AGBL4: variants seen among roughly 807,000 people sequenced by gnomAD.
AGBL4 encodes AGBL carboxypeptidase 4.
AGBL4 carries 58 observed loss-of-function variants against 66.4 expected under a neutral mutation model. That is an observed-to-expected ratio of 0.87 (90% CI 0.71 to 1.09). The LOEUF (loss-of-function observed/expected upper bound fraction) is 1.09. Among genes scored for constraint, AGBL4 ranks in the 50% least tolerant of loss-of-function variants. The pLI is 0.00. For missense variants in AGBL4, 579 were observed against 631.0 expected (o/e 0.92, Z 0.88); for synonymous variants, 234 against 222.9 (o/e 1.05, Z -0.44).
intron 6 of AGBL4, among the ~76,000 whole-genome samples, chr1:48,716,660 C>G (rs538306888): frequency 3.9e-4 from 59 of 152,278 alleles, no homozygotes; most frequent in African/African-American, 1.4e-3. Flanking sequence ...TATGTGTCCA[C>G]AAGGGGTGGG....
At chr1:49,740,949 A>G (rs1046793073) in intron 2 of AGBL4, among the ~76,000 whole-genome samples, 3 of 152,194 alleles carry the variant, frequency 2.0e-5, no homozygotes, top group Non-Finnish European at 4.4e-5. Flanking sequence ...GAGAAGCAAG[A>G]CTGATCTAAA....
At chr1:49,145,017 T>C (rs182843684) in intron 4 of AGBL4, among the ~76,000 whole-genome samples, 2 of 152,058 alleles carry the variant, frequency 1.3e-5, no homozygotes, top group East Asian at 3.9e-4. Flanking sequence ...CAGGATGGGG[T>C]CAGTCCAGCC....
At chr1:49,328,375 C>A (rs558369287) in intron 3 of AGBL4, among the ~76,000 whole-genome samples, 5 of 152,224 alleles carry the variant, frequency 3.3e-5, no homozygotes, top group East Asian at 3.9e-4. Context: ...AATCTAGTTC[C>A]AAGTCTGCAA....
chr1:49,776,487 C>A (rs1644200935), intron 2 of AGBL4, among the ~76,000 whole-genome samples: 1 of 152,074 alleles, frequency 6.6e-6, no homozygotes, highest in South Asian at 2.1e-4. Flanking sequence ...TGATGAGAGT[C>A]CTAAATACCA....
chr1:48,684,245 T>C (rs1347310670), intron 6 of AGBL4, among the ~76,000 whole-genome samples: 1 of 152,232 alleles, frequency 6.6e-6, no homozygotes, highest in African/African-American at 2.4e-5. Flanking sequence ...CTCCTTCTCT[T>C]AAGCCAAGTC....
intron 1 of AGBL4, among the ~76,000 whole-genome samples, chr1:50,000,710 T>C (rs893957470): frequency 5.3e-5 from 8 of 152,150 alleles, no homozygotes; most frequent in African/African-American, 1.9e-4. Context: ...AAATATGGTA[T>C]ATATACACCA....
chr1:49,639,529 T>A lies in AGBL4; in HGVS notation c.282+57784A>T, dbSNP rs2051086. 3.2e-4 allele frequency among the ~76,000 whole-genome samples: 49 copies of A among 152,122 alleles called. 1 individual carries two copies. The South Asian group carries it at 9.5e-3, about 30-fold the overall frequency. On this transcript the variant is annotated intron_variant, in intron 3 of 13. Transcript: ENST00000371839. ...TAAGGTTTTGCCCAAGGCCATATAG[T>A]TAATAAGTGGTAGAGCCTGGATCCA...
intron 5 of AGBL4, among the ~76,000 whole-genome samples, chr1:49,030,392 T>C (rs1255679538): frequency 6.6e-6 from 1 of 152,160 alleles, no homozygotes; most frequent in Non-Finnish European, 1.5e-5. Context: ...GATTTTGGAC[T>C]TTTAGCCTCC....
At chr1:48,826,888 T>C (rs1184886657) in intron 6 of AGBL4, among the ~76,000 whole-genome samples, 1 of 152,134 alleles carries the variant, frequency 6.6e-6, no homozygotes, top group Non-Finnish European at 1.5e-5. Context: ...ACTCTCCTCT[T>C]ATCCCCATGC....
intron 3 of AGBL4, among the ~76,000 whole-genome samples, chr1:49,664,137 G>C (rs1223922000): frequency 6.6e-6 from 1 of 151,962 alleles, no homozygotes; most frequent in Non-Finnish European, 1.5e-5. Flanking sequence ...TGACATGCTT[G>C]AGTTACAGCA....
chr1:49,644,829 G>T (rs1452385743), intron 3 of AGBL4, among the ~76,000 whole-genome samples: 2 of 151,234 alleles, frequency 1.3e-5, no homozygotes, highest in Non-Finnish European at 3.0e-5. Context: ...CTTTTAAAGG[G>T]CACATGAAAC....
At chr1:48,612,482 A>C (rs1384328599) in intron 9 of AGBL4, among the ~76,000 whole-genome samples, 1 of 152,212 alleles carries the variant, frequency 6.6e-6, no homozygotes, top group African/African-American at 2.4e-5. Flanking sequence ...GCAGTTATAG[A>C]GATGAAGGTC....
At chr1:49,720,329 C>A (rs1648501558) in intron 2 of AGBL4, among the ~76,000 whole-genome samples, 1 of 152,028 alleles carries the variant, frequency 6.6e-6, no homozygotes, top group African/African-American at 2.4e-5. Context: ...GCAAATGTTT[C>A]AAAATCTTTT....
intron 1 of AGBL4, among the ~76,000 whole-genome samples, chr1:49,973,770 T>C (rs544960010): frequency 1.3e-5 from 2 of 150,620 alleles, no homozygotes; most frequent in African/African-American, 4.8e-5. Flanking sequence ...ATATCTTATA[T>C]TCCTAAGAGC....
intron 5 of AGBL4, among the ~76,000 whole-genome samples, chr1:48,947,660 T>C (rs1656626124): frequency 6.6e-6 from 1 of 152,198 alleles, no homozygotes; most frequent in South Asian, 2.1e-4. Context: ...CTGCATTAAC[T>C]GCCCAAAGCT....
chr1:48,950,760 CCCACA>C (rs1352169813), intron 5 of AGBL4, among the ~76,000 whole-genome samples: 3 of 152,112 alleles, frequency 2.0e-5, no homozygotes, highest in African/African-American at 7.2e-5. Context: ...ACCAACCATG[CCCACA>C]TTTTGTCCTT....
chr1:48,691,171 A>C (rs990945250), intron 6 of AGBL4, among the ~76,000 whole-genome samples: 6 of 149,838 alleles, frequency 4.0e-5, no homozygotes, highest in African/African-American at 7.4e-5. Flanking sequence ...AAAAAAAAAA[A>C]AAAACACATA....
intron 2 of AGBL4, among the ~76,000 whole-genome samples, chr1:49,809,013 A>G (rs543130475): frequency 6.6e-6 from 1 of 152,322 alleles, no homozygotes; most frequent in Non-Finnish European, 1.5e-5. Context: ...TGAACCTAGT[A>G]GGCGGTTAGG....
chr1:48,798,140 A>G (rs1645732054), intron 6 of AGBL4, among the ~76,000 whole-genome samples: 1 of 152,080 alleles, frequency 6.6e-6, no homozygotes, highest in East Asian at 1.9e-4. Context: ...GCCAACATCT[A>G]TTATTTTTTA....
Sources: allele counts gnomAD v4.1 joint callset (sites outside exome capture counted in the v4.1 genomes callset), GRCh38; gene constraint gnomAD v4.1.1; transcripts MANE v1.5; gene names NCBI Gene and HGNC (gene_info 2026-07-23, HGNC 2026-07-21).